HEMK2: variants seen among roughly 807,000 people sequenced by gnomAD.
The protein encoded by HEMK2 is methyltransferase HEMK2.
the HEMK2 span, among the ~76,000 whole-genome samples, chr21:28,634,148 T>G: frequency 1.3e-5 from 2 of 152,188 alleles, no homozygotes; most frequent in Admixed American, 6.5e-5. Context: ...AAAAATTATT[T>G]TGAGAACTCC....
chr21:28,742,567 A>G, the HEMK2 span, among the ~76,000 whole-genome samples: 69 of 152,294 alleles, frequency 4.5e-4, no homozygotes, highest in African/African-American at 1.6e-3. Flanking sequence ...AGTGCTTTGT[A>G]GTACAGGCCA....
At chr21:28,579,114 T>C in the HEMK2 span, among the ~76,000 whole-genome samples, 1 of 152,276 alleles carries the variant, frequency 6.6e-6, no homozygotes, top group Non-Finnish European at 1.5e-5. Flanking sequence ...GAAATCGAGT[T>C]GTAGAAAATG....
chr21:28,696,501 C>T, the HEMK2 span, among the ~76,000 whole-genome samples: 1 of 152,220 alleles, frequency 6.6e-6, no homozygotes, highest in African/African-American at 2.4e-5. Context: ...TGTGGCTTTG[C>T]AGGGTATAGC....
At chr21:28,805,214 C>T in the HEMK2 span, among the ~76,000 whole-genome samples, 1 of 152,194 alleles carries the variant, frequency 6.6e-6, no homozygotes, top group Non-Finnish European at 1.5e-5. Flanking sequence ...CTGGGCCATG[C>T]CAAATCCCAG....
chr21:28,867,751 T>A, the HEMK2 span, among the ~76,000 whole-genome samples: 1 of 152,160 alleles, frequency 6.6e-6, no homozygotes, highest in African/African-American at 2.4e-5. Context: ...AGGGATTACA[T>A]CACGTCCAGC....
the HEMK2 span, among the ~76,000 whole-genome samples, chr21:28,613,130 A>G: frequency 3.3e-5 from 5 of 151,770 alleles, 1 homozygote; most frequent in South Asian, 1.0e-3. Context: ...ACAGATCTAC[A>G]GATAGATAGA....
the HEMK2 span, among the ~76,000 whole-genome samples, chr21:28,661,406 A>G: frequency 1.3e-5 from 2 of 151,728 alleles, no homozygotes; most frequent in Admixed American, 1.3e-4. Context: ...CTATAATTTT[A>G]TCATATCATT....
the HEMK2 span, among the ~76,000 whole-genome samples, chr21:28,735,116 G>A: frequency 6.6e-6 from 1 of 152,336 alleles, no homozygotes; most frequent in African/African-American, 2.4e-5. Context: ...TTCCAAGAGA[G>A]AGAATAGAAG....
At chr21:28,617,034 GA>G in the HEMK2 span, among the ~76,000 whole-genome samples, 1 of 152,054 alleles carries the variant, frequency 6.6e-6, no homozygotes, top group East Asian at 1.9e-4. Context: ...GTTGGTAAGG[GA>G]AAAAAATAAA....
the HEMK2 span, among the ~76,000 whole-genome samples, chr21:28,638,838 A>G: frequency 6.6e-6 from 1 of 152,170 alleles, no homozygotes; most frequent in African/African-American, 2.4e-5. Flanking sequence ...GCTCACTCAC[A>G]TGGTCTCAGG....
chr21:28,593,726 C>T, the HEMK2 span, among the ~76,000 whole-genome samples: 2 of 152,280 alleles, frequency 1.3e-5, no homozygotes, highest in Admixed American at 6.5e-5. Flanking sequence ...AAATAAAAAA[C>T]AGTAGTATTG....
the HEMK2 span, among the ~76,000 whole-genome samples, chr21:28,834,609 A>G: frequency 6.6e-6 from 1 of 152,200 alleles, no homozygotes; most frequent in Non-Finnish European, 1.5e-5. Context: ...CTCTAGCTGA[A>G]CTATGTAACA....
chr21:28,831,519 GAAAGAAGGAAAGAAGGAAA>G, the HEMK2 span, among the ~76,000 whole-genome samples: 5 of 70,490 alleles, frequency 7.1e-5, no homozygotes, highest in African/African-American at 3.9e-4. Context: ...AAGAAAGAAA[GAAAGAAGGAAAGAAGGAAA>G]GAAGGAAAGA....
chr21:28,779,768 T>G, the HEMK2 span, among the ~76,000 whole-genome samples: 1 of 152,248 alleles, frequency 6.6e-6, no homozygotes, highest in African/African-American at 2.4e-5. Flanking sequence ...AATTCCAAGG[T>G]GTCTATTTCT....
At chr21:28,658,215 C>T in the HEMK2 span, among the ~76,000 whole-genome samples, 1 of 151,992 alleles carries the variant, frequency 6.6e-6, no homozygotes, top group Non-Finnish European at 1.5e-5. Flanking sequence ...TCCTACCATC[C>T]AAAACCCAAA....
At chr21:28,769,035 A>G in the HEMK2 span, among the ~76,000 whole-genome samples, 2 of 152,004 alleles carry the variant, frequency 1.3e-5, no homozygotes, top group Admixed American at 6.6e-5. Context: ...AATGGTGAAA[A>G]AATAAATTTG....
the HEMK2 span, among the ~76,000 whole-genome samples, chr21:28,592,259 GTT>G: frequency 3.9e-4 from 60 of 152,150 alleles, no homozygotes; most frequent in Non-Finnish European, 7.5e-4. Context: ...GGTGTGACAT[GTT>G]ATTGCATTGT....
At chr21:28,673,644 T>C in the HEMK2 span, among the ~76,000 whole-genome samples, 1 of 124,350 alleles carries the variant, frequency 8.0e-6, no homozygotes, top group African/African-American at 3.6e-5. Context: ...ATAACTCAGA[T>C]GGTAGTGTCA....
At chr21:28,643,153 A>G in the HEMK2 span, among the ~76,000 whole-genome samples, 4 of 152,240 alleles carry the variant, frequency 2.6e-5, no homozygotes, top group African/African-American at 9.6e-5. Context: ...GCTTTGCTAC[A>G]CTGAAGGTGT....
Sources: gnomAD v4.1 joint callset for allele counts (sites outside exome capture counted in the v4.1 genomes callset) on GRCh38, gnomAD v4.1.1 for gene constraint, MANE v1.5 for transcripts, NCBI Gene and HGNC (gene_info 2026-07-23, HGNC 2026-07-21) for gene names.